Variants in NECTIN1 observed in about 807,000 individuals in gnomAD.
NECTIN1 encodes the protein nectin cell adhesion molecule 1.
Under a neutral mutation model 48.0 loss-of-function variants are expected in NECTIN1, and 23 were observed. The ratio of observed to expected loss-of-function variants is 0.48; its 90% CI spans 0.34 to 0.68. The LOEUF is 0.68. NECTIN1 is among the 30% of genes least tolerant of loss of function. The probability of loss-of-function intolerance (pLI) is 0.01; values close to 1 mark genes in which losing one functional copy is unlikely to be tolerated. For synonymous variants in NECTIN1, 270 were observed against 288.9 expected (o/e 0.93, Z 0.66); for missense variants, 591 against 709.9 (o/e 0.83, Z 1.90).
chr11:119,678,507 C>G lies in NECTIN1; in HGVS notation c.338G>C (p.Arg113Pro). 6.2e-7 allele frequency: 1 copy of G among 1,614,192 alleles called. No individual in the cohort carries two copies. Among genetic ancestry groups the G allele is most frequent in the Non-Finnish European group, 8.5e-7 (1 of 1,180,042 alleles). ...GACACCCTCATCCTCCAGCTCCAGGCGGGAGAGGCGGATAGTGCCATCGGT... is the reference window on the plus strand; with the variant it reads ...GACACCCTCATCCTCCAGCTCCAGGGGGGAGAGGCGGATAGTGCCATCGGT... ...SFTDGTIRLS[R>P]LELEDEGVYI... The change falls in exon 2 of 6, where the codon CGC (arginine) becomes CCC (proline). Residue 113 changes from arginine (R) to proline (P), a missense_variant. Transcript: ENST00000264025. This position sits in a 1 kb window ranked among gnomAD's most constrained non-coding sequence, Gnocchi z 4.4.
chr11:119,647,351 C>A (rs1054532778), intron 5 of NECTIN1, among the ~76,000 whole-genome samples: 6 of 151,996 alleles, frequency 3.9e-5, no homozygotes. Flanking sequence ...CCCTCCACAC[C>A]TTGAGTTGTC....
Position 119,664,700 on chromosome 11 carries a change from G to GGGGGGT in NECTIN1, c.*46_*47insACCCCC. On this transcript the variant is annotated 3_prime_UTR_variant, in exon 6 of 6. Coordinates refer to ENST00000264025, the MANE Select transcript of NECTIN1 (RefSeq NM_002855.5). Reference sequence around the variant, plus strand: ...GGGGGGTGGGCAGGGGGCGTGCGGGGAGGGGCTGGGGAGGAGCGGTCACAG... The same window carrying GGGGGGT: ...GGGGGGTGGGCAGGGGGCGTGCGGGGGGGGGTAGGGGCTGGGGAGGAGCGGTCACAG... 1 of 1,451,828 alleles carries GGGGGGT rather than the reference G, an allele frequency of 6.9e-7. No individual in the cohort carries two copies. The highest frequency in any genetic ancestry group is 9.4e-7 in the Non-Finnish European group (1 of 1,066,292). The allele number at this position is 1,451,828 out of a possible 1,614,324, so 89.9% of individuals were successfully genotyped here. A position where few individuals can be genotyped will look rare whatever the true frequency, so the allele number is the denominator to read the frequency against.
At position 119,665,365 on chromosome 11, in the gene NECTIN1, G is replaced by T. The variant is rs1864748548; in HGVS notation, c.1004-68C>A. Reference sequence around the variant, plus strand: ...CTCCTGGGGTGTAGAGGGGGTGGGAGGGAGGCAGGGAAAGGAGAGGCCAGG... The same window carrying T: ...CTCCTGGGGTGTAGAGGGGGTGGGATGGAGGCAGGGAAAGGAGAGGCCAGG... On this transcript the variant is annotated intron_variant, in intron 5 of 5. Transcript: ENST00000264025. This position sits in a 1 kb window ranked among gnomAD's most constrained non-coding sequence, Gnocchi z 5.1. 1.3e-6 allele frequency: 2 copies of T among 1,501,288 alleles called. No individual in the cohort carries two copies. Among genetic ancestry groups the T allele is most frequent in the African/African-American group, 2.8e-5 (2 of 72,606 alleles). 93.0% of individuals were successfully genotyped at this position (1,501,288 alleles called of 1,614,324 possible).
Position 119,661,833 on chromosome 11 carries a change from T to C in NECTIN1, c.*2914A>G. Reference sequence around the variant, plus strand: ...GAGTGGCCATCTGGCTGTGCATGCATGCGTGTGTACATGCGTGTACACATG... The same window carrying C: ...GAGTGGCCATCTGGCTGTGCATGCACGCGTGTGTACATGCGTGTACACATG... On this transcript the variant is annotated 3_prime_UTR_variant, in exon 6 of 6. Transcript: ENST00000264025. 1.0e-6 allele frequency: 1 copy of C among 985,326 alleles called. No individual in the cohort carries two copies. The highest frequency in any genetic ancestry group is 1.2e-6 in the Non-Finnish European group (1 of 829,908). The allele number at this position is 985,326 out of a possible 1,614,324, so 61.0% of individuals were successfully genotyped here.
rs1046181557 is a variant in NECTIN1 at position 119,673,432 on chromosome 11, C to T, written c.1003+1727G>A. Among the ~76,000 whole-genome samples the T allele has an allele frequency of 6.6e-6, 1 of 152,200 alleles. No individual in the cohort carries two copies. The highest frequency in any genetic ancestry group is 2.4e-5 in the African/African-American group (1 of 41,458). On this transcript the variant is annotated intron_variant, in intron 5 of 5. Transcript: ENST00000264025. This position sits in a 1 kb window ranked among gnomAD's most constrained non-coding sequence, Gnocchi z 5.8. ...CTAGGTGGCCCGGCCCTCCTGCCCC[C>T]AGCCCACACCCCTCACATGTTGATA...
At chr11:119,694,162 G>C (rs1865307091) in intron 1 of NECTIN1, among the ~76,000 whole-genome samples, 1 of 152,172 alleles carries the variant, frequency 6.6e-6, no homozygotes, top group Non-Finnish European at 1.5e-5. Context: ...GGGAAATGGA[G>C]GGGCAGAGAA....
chr11:119,688,571 A>G (rs971067672), intron 1 of NECTIN1, among the ~76,000 whole-genome samples: 1 of 152,158 alleles, frequency 6.6e-6, no homozygotes, highest in African/African-American at 2.4e-5. Flanking sequence ...TGCATCTCCC[A>G]TGGCAGGCAA....
chr11:119,674,959 T>A (rs1864922355), intron 5 of NECTIN1, among the ~76,000 whole-genome samples, 200 bp downstream of exon 5: 1 of 152,058 alleles, frequency 6.6e-6, no homozygotes, highest in African/African-American at 2.4e-5. Context: ...TGATTGGGGG[T>A]CACCCTGACT....
intron 5 of NECTIN1, chr11:119,641,897 T>A (rs1422809640): frequency 6.6e-6 from 1 of 151,596 alleles, no homozygotes; most frequent in African/African-American, 2.4e-5. Context: ...TAATTTTTTT[T>A]TTTTTGTATT....
downstream of NECTIN1, among the ~76,000 whole-genome samples, chr11:119,658,178 G>A (rs1864606620): frequency 6.6e-6 from 1 of 152,156 alleles, no homozygotes; most frequent in South Asian, 2.1e-4. Context: ...AGTTGCCAGA[G>A]GGGCCAGCAT....
downstream of NECTIN1, among the ~76,000 whole-genome samples, chr11:119,660,338 C>T (rs1459000192): frequency 1.3e-5 from 2 of 150,540 alleles, no homozygotes; most frequent in African/African-American, 4.9e-5. Context: ...GTGGGGAGAG[C>T]GGGGAGGTAA....
Position 119,664,534 on chromosome 11 carries a change from C to A in NECTIN1, c.*213G>T. ...CTAAAGCCACAGTCGAACACAACAC[C>A]ATGGGGAAGGGCGGAGGAGAGGGAG... On this transcript the variant is annotated 3_prime_UTR_variant, in exon 6 of 6. Coordinates refer to ENST00000264025, the MANE Select transcript of NECTIN1 (RefSeq NM_002855.5). The A allele has an allele frequency of 7.0e-7, 1 of 1,422,934 alleles. No individual in the cohort carries two copies. The highest frequency in any genetic ancestry group is 9.2e-7 in the Non-Finnish European group (1 of 1,092,516). 88.1% of individuals were successfully genotyped at this position (1,422,934 alleles called of 1,614,324 possible).
chr11:119,720,514 C>A (rs1314453667), intron 1 of NECTIN1, among the ~76,000 whole-genome samples: 21 of 152,256 alleles, frequency 1.4e-4, no homozygotes, highest in Admixed American at 1.4e-3. Context: ...CCCGTGTGGC[C>A]CCCCATGGGA....
chr11:119,638,765 C>A lies in NECTIN1; in HGVS notation c.1193G>T (p.Ser398Ile), dbSNP rs371021688. The A allele has an allele frequency of 1.3e-4, 211 of 1,613,882 alleles. 4 individuals carry two copies. In the South Asian group the frequency reaches 2.2e-3, roughly 17 times the overall value. Residue 398 changes from serine (S) to isoleucine (I), a missense_variant, in exon 7 of 8, where the codon AGC (serine) becomes ATC (isoleucine). Physicochemically the swap from Ser to Ile is moderately radical, Grantham distance 142 (BLOSUM62 -2). Transcript: ENST00000341398. ...CTCAGGCACAAGGGAGCTTTGCCTG[C>A]TGGGAGAAGGCTCCGGCTTCTGGGA...
At position 119,709,672 on chromosome 11, in the gene NECTIN1, C is replaced by A. The variant is rs959569214; in HGVS notation, c.79+18803G>T. Among the ~76,000 whole-genome samples, 3 of 151,972 alleles carry A rather than the reference C, an allele frequency of 2.0e-5. No homozygotes were observed. Among genetic ancestry groups the A allele is most frequent in the Non-Finnish European group, 4.4e-5 (3 of 67,992 alleles). ...AAAGACTGGGGCTGGGGGCTGGGGGCTGGGAGAGGAGAGTGATGCTCGGGG... is the reference window on the plus strand; with the variant it reads ...AAAGACTGGGGCTGGGGGCTGGGGGATGGGAGAGGAGAGTGATGCTCGGGG... On this transcript the variant is annotated intron_variant, in intron 1 of 5. Transcript: ENST00000264025. This position sits in a 1 kb window ranked among gnomAD's most constrained non-coding sequence, Gnocchi z 4.1.
chr11:119,688,378 C>A (rs147237113), intron 1 of NECTIN1, among the ~76,000 whole-genome samples: 3 of 151,910 alleles, frequency 2.0e-5, no homozygotes, highest in Non-Finnish European at 4.4e-5. Flanking sequence ...CTGAGCAGAC[C>A]CCTGCAGTGA....
At chr11:119,713,253 G>A (rs1433225056) in intron 1 of NECTIN1, among the ~76,000 whole-genome samples, 2 of 152,202 alleles carry the variant, frequency 1.3e-5, no homozygotes, top group Non-Finnish European at 2.9e-5. Flanking sequence ...TGGAGGGACA[G>A]AGGGTGAATC....
chr11:119,720,548 G>A (rs1200506457), intron 1 of NECTIN1, among the ~76,000 whole-genome samples: 1 of 152,282 alleles, frequency 6.6e-6, no homozygotes, highest in Non-Finnish European at 1.5e-5. Context: ...GCCTGTGTGT[G>A]CTAAAAGCCA....
In NECTIN1 at chr11:119,662,927, C is replaced by T. The variant is rs552957214; in HGVS notation, c.*1820G>A. 98 of 985,052 alleles carry T rather than the reference C, an allele frequency of 9.9e-5. No individual in the cohort carries two copies. Among genetic ancestry groups the T allele is most frequent in the Non-Finnish European group, 1.1e-4 (94 of 829,968 alleles). The allele number at this position is 985,052 out of a possible 1,614,324, so 61.0% of individuals were successfully genotyped here. A position where few individuals can be genotyped will look rare whatever the true frequency, so the allele number is the denominator to read the frequency against. On this transcript the variant is annotated 3_prime_UTR_variant, in exon 6 of 6. Coordinates refer to ENST00000264025, the MANE Select transcript of NECTIN1 (RefSeq NM_002855.5). This position sits in a 1 kb window ranked among gnomAD's most constrained non-coding sequence, Gnocchi z 5.3. ...TGGGCAGCCTGGGCTGGGGCCAGGG[C>T]AGTGAGGGCCAGACAACGACGACCC...
Sources: gnomAD v4.1 joint callset for allele counts (sites outside exome capture counted in the v4.1 genomes callset) on GRCh38, gnomAD v4.1.1 for gene constraint, Gnocchi (gnomAD v3.1) non-coding constraint, MANE v1.5 for transcripts, NCBI Gene and HGNC (gene_info 2026-07-23, HGNC 2026-07-21) for gene names.